Variants in ZBTB8A observed in about 807,000 individuals in gnomAD.
The protein encoded by ZBTB8A is zinc finger and BTB domain containing 8A.
A neutral mutation model predicts 37.8 loss-of-function variants in ZBTB8A; 19 were observed. The observed-to-expected ratio is 0.50, with a 90% confidence interval of 0.35 to 0.74. ZBTB8A has a LOEUF of 0.74. ZBTB8A is among the 30% of genes least tolerant of loss of function. The pLI is 0.01. For synonymous variants in ZBTB8A, 181 were observed against 185.2 expected, an observed-to-expected ratio of 0.98 and a Z score of 0.19; for missense variants, 394 against 537.8, an observed-to-expected ratio of 0.73 and a Z score of 2.65.
Position 32,605,811 on chromosome 1 carries a change from C to T in ZBTB8A, c.*5392C>T, listed in dbSNP as rs907839751. The T allele has an allele frequency of 6.6e-6, 1 of 151,720 alleles. No homozygotes were observed. The highest frequency in any genetic ancestry group is 1.5e-5 in the Non-Finnish European group (1 of 68,016). The allele number at this position is 151,720 out of a possible 1,614,324, so 9.4% of individuals were successfully genotyped here. A position where few individuals can be genotyped will look rare whatever the true frequency, so the allele number is the denominator to read the frequency against. On this transcript the variant is annotated 3_prime_UTR_variant, in exon 5 of 5. Transcript: ENST00000373510. ...ATTTTCTGAATCCTAGACCATCAGC[C>T]TAATTCACTGAGGTGTGTTGTGTAT...
rs530092426 is a variant in ZBTB8A, at chr1:32,593,147, C to A, written c.216C>A (p.Ser72=). 6.2e-7 allele frequency: 1 copy of A among 1,614,176 alleles called. No homozygotes were observed. Among genetic ancestry groups the A allele is most frequent in the Admixed American group, 1.7e-5 (1 of 60,008 alleles). ...CCACAGCTACATTTCAGGCTTTCTC[C>A]CCTGACACTTTTACAGTTATCTTGG... ...QPTTATFQAF[S]PDTFTVILDF... Residue 72 remains serine, a synonymous_variant, in exon 3 of 5, where the codon TCC becomes TCA. Coordinates refer to ENST00000373510, the MANE Select transcript of ZBTB8A (RefSeq NM_001040441.3).
At chr1:32,583,728 T>C (rs1192928344) in intron 2 of ZBTB8A, among the ~76,000 whole-genome samples, 2 of 152,098 alleles carry the variant, frequency 1.3e-5, no homozygotes, top group South Asian at 2.1e-4. Flanking sequence ...AGTGTGAAGA[T>C]GTGAGGAGAG....
At chr1:32,591,692 C>T (rs1234827224) in intron 2 of ZBTB8A, among the ~76,000 whole-genome samples, 3 of 151,866 alleles carry the variant, frequency 2.0e-5, no homozygotes, top group Non-Finnish European at 1.5e-5. Flanking sequence ...GCCAGAGGAT[C>T]GCTTGAGCCT....
intron 2 of ZBTB8A, among the ~76,000 whole-genome samples, chr1:32,573,601 T>G (rs1644339089): frequency 6.6e-6 from 1 of 150,618 alleles, no homozygotes; most frequent in Non-Finnish European, 1.5e-5. Flanking sequence ...TTTGGCTAAT[T>G]TTTTGTATTT....
chr1:32,565,807 A>C (rs1212518885), intron 2 of ZBTB8A, among the ~76,000 whole-genome samples: 2 of 152,090 alleles, frequency 1.3e-5, no homozygotes, highest in East Asian at 3.8e-4. Context: ...GACATTATGC[A>C]CTGTGCTAGG....
intron 2 of ZBTB8A, among the ~76,000 whole-genome samples, chr1:32,586,574 G>T (rs376052608): frequency 6.6e-6 from 1 of 151,928 alleles, no homozygotes; most frequent in Non-Finnish European, 1.5e-5. Flanking sequence ...ATAAGGTGAC[G>T]TTGGAACAGA....
intron 2 of ZBTB8A, among the ~76,000 whole-genome samples, chr1:32,571,694 C>G (rs1015239359): frequency 1.3e-5 from 2 of 152,012 alleles, no homozygotes; most frequent in Non-Finnish European, 2.9e-5. Flanking sequence ...CCTGCCTCAG[C>G]GTCCCAAATA....
chr1:32,583,144 A>G (rs1644420491), intron 2 of ZBTB8A, among the ~76,000 whole-genome samples: 1 of 151,930 alleles, frequency 6.6e-6, no homozygotes, highest in Non-Finnish European at 1.5e-5. Flanking sequence ...ACTTTGGGAG[A>G]CTGAGGCAGG....
chr1:32,551,743 G>A (rs1164929065), intron 1 of ZBTB8A, among the ~76,000 whole-genome samples: 5 of 151,904 alleles, frequency 3.3e-5, no homozygotes, highest in African/African-American at 7.3e-5. Flanking sequence ...GTTTGTTTTC[G>A]TATTTATTTA....
At chr1:32,570,547 T>C (rs1295315652) in intron 2 of ZBTB8A, among the ~76,000 whole-genome samples, 2 of 152,206 alleles carry the variant, frequency 1.3e-5, no homozygotes, top group African/African-American at 4.8e-5. Flanking sequence ...TCTGCATGGC[T>C]TATCTTTCCA....
rs1644583542 is a variant in ZBTB8A, at chr1:32,602,386, A to T, written c.*1967A>T. Reference sequence around the variant, plus strand: ...ATAAATTATGAAACATTCCAAAATTACAGCTAAATTAGAGAAGCATTGTTT... The same window carrying T: ...ATAAATTATGAAACATTCCAAAATTTCAGCTAAATTAGAGAAGCATTGTTT... On this transcript the variant is annotated 3_prime_UTR_variant, in exon 5 of 5. Coordinates refer to ENST00000373510, the MANE Select transcript of ZBTB8A (RefSeq NM_001040441.3). The T allele has an allele frequency of 6.6e-6, 1 of 151,910 alleles. No individual in the cohort carries two copies. The highest frequency in any genetic ancestry group is 1.5e-5 in the Non-Finnish European group (1 of 68,022). The allele number at this position is 151,910 out of a possible 1,614,324, so 9.4% of individuals were successfully genotyped here.
At chr1:32,584,508 CTTTT>C (rs1177778440) in intron 2 of ZBTB8A, among the ~76,000 whole-genome samples, 13,364 of 117,304 alleles carry the variant, frequency 0.11, 554 homozygotes, top group African/African-American at 0.17. Flanking sequence ...TTCTTTCTTT[CTTTT>C]TTTTTTTTTT....
chr1:32,580,131 G>A (rs1206122581), intron 2 of ZBTB8A, among the ~76,000 whole-genome samples: 4 of 152,046 alleles, frequency 2.6e-5, no homozygotes, highest in Non-Finnish European at 5.9e-5. Flanking sequence ...GCTCAGGCAG[G>A]TGGATTGAAG....
At chr1:32,573,250 T>C (rs1644335741) in intron 2 of ZBTB8A, among the ~76,000 whole-genome samples, 1 of 150,068 alleles carries the variant, frequency 6.7e-6, no homozygotes, top group Non-Finnish European at 1.5e-5. Flanking sequence ...TTTTTTTTTT[T>C]TTTTTAGTAG....
intron 1 of ZBTB8A, among the ~76,000 whole-genome samples, chr1:32,547,368 A>G (rs1389512198): frequency 8.6e-6 from 1 of 115,872 alleles, no homozygotes; most frequent in Admixed American, 8.9e-5. Flanking sequence ...TTTTTTTTTT[A>G]GTAGAGATGG....
At chr1:32,546,464 A>G (rs2148212727) in intron 1 of ZBTB8A, among the ~76,000 whole-genome samples, 1 of 151,764 alleles carries the variant, frequency 6.6e-6, no homozygotes, top group Admixed American at 6.6e-5. Flanking sequence ...ATAAATAAAT[A>G]AATAAAAGAT....
intron 2 of ZBTB8A, among the ~76,000 whole-genome samples, chr1:32,566,395 C>A (rs998362485): frequency 6.6e-6 from 1 of 151,588 alleles, no homozygotes; most frequent in East Asian, 1.9e-4. Context: ...CATGGTGGCG[C>A]ATACCTCTAG....
intron 2 of ZBTB8A, among the ~76,000 whole-genome samples, chr1:32,561,805 T>TA (rs1277103455): frequency 1.3e-5 from 2 of 152,086 alleles, no homozygotes; most frequent in African/African-American, 4.8e-5. Flanking sequence ...GCAAAGACCC[T>TA]ATTTGCAAAT....
At chr1:32,591,762 A>C (rs970958081) in intron 2 of ZBTB8A, among the ~76,000 whole-genome samples, 2 of 152,112 alleles carry the variant, frequency 1.3e-5, no homozygotes, top group African/African-American at 4.8e-5. Context: ...AAAATGAAAG[A>C]AGATGCTCAA....
Sources: gnomAD v4.1 joint callset for allele counts (sites outside exome capture counted in the v4.1 genomes callset) on GRCh38, gnomAD v4.1.1 for gene constraint, MANE v1.5 for transcripts, NCBI Gene and HGNC (gene_info 2026-07-23, HGNC 2026-07-21) for gene names.